HCN1: variants seen among roughly 807,000 people sequenced by gnomAD.
The protein encoded by HCN1 is potassium/sodium hyperpolarization-activated cyclic nucleotide-gated channel 1.
HCN1 carries 13 observed loss-of-function variants against 78.9 expected under a neutral mutation model. The ratio of observed to expected loss-of-function variants is 0.16; its 90% CI spans 0.11 to 0.26. The LOEUF is 0.26. Among genes scored for constraint, HCN1 ranks in the 10% least tolerant of loss-of-function variants. The pLI, the probability that HCN1 is intolerant of heterozygous loss-of-function variation, is 1.00. For synonymous variants in HCN1, 552 were observed against 455.5 expected (o/e 1.21, Z -2.70); for missense variants, 810 against 1,154.3 (o/e 0.70, Z 4.32).
At chr5:45,653,678 T>G (rs116136415) in intron 1 of HCN1, among the ~76,000 whole-genome samples, 1 of 151,998 alleles carries the variant, frequency 6.6e-6, no homozygotes, top group Non-Finnish European at 1.5e-5. Context: ...ATTACACAAT[T>G]CTAGTTAAAA....
chr5:45,301,737 AAAAG>A (rs1554016682), intron 6 of HCN1, among the ~76,000 whole-genome samples: 2 of 151,268 alleles, frequency 1.3e-5, no homozygotes, highest in African/African-American at 4.8e-5. Context: ...AAAAAAAAAA[AAAAG>A]AAAGAAAAGC....
At chr5:45,585,166 A>G (rs962625704) in intron 2 of HCN1, among the ~76,000 whole-genome samples, 1 of 152,222 alleles carries the variant, frequency 6.6e-6, no homozygotes, top group Non-Finnish European at 1.5e-5. Flanking sequence ...CAGGTACACC[A>G]ATCAGATGTA....
intron 2 of HCN1, among the ~76,000 whole-genome samples, chr5:45,546,681 G>GA (rs1743237001): frequency 6.6e-6 from 1 of 151,416 alleles, no homozygotes; most frequent in South Asian, 2.1e-4. Flanking sequence ...ATTCTTGGGG[G>GA]ATTTTGCTTT....
chr5:45,371,468 C>G (rs1747356430), intron 4 of HCN1, among the ~76,000 whole-genome samples: 2 of 151,732 alleles, frequency 1.3e-5, no homozygotes, highest in South Asian at 4.1e-4. Flanking sequence ...CACTGAAATA[C>G]AAAATCCTGG....
At chr5:45,638,085 T>C (rs1745390032) in intron 2 of HCN1, among the ~76,000 whole-genome samples, 5 of 152,024 alleles carry the variant, frequency 3.3e-5, no homozygotes, top group Admixed American at 1.3e-4. Flanking sequence ...CCAACCACAA[T>C]TGGGAAGTAG....
At chr5:45,675,269 G>A (rs1376384256) in intron 1 of HCN1, among the ~76,000 whole-genome samples, 1 of 151,706 alleles carries the variant, frequency 6.6e-6, no homozygotes, top group Non-Finnish European at 1.5e-5. Context: ...TCCTAGGCCA[G>A]CCAAGTCCTT....
At chr5:45,411,604 G>A (rs544594467) in intron 3 of HCN1, among the ~76,000 whole-genome samples, 45 of 151,872 alleles carry the variant, frequency 3.0e-4, no homozygotes, top group African/African-American at 1.0e-3. Context: ...GAAAATGAAG[G>A]TTATTTTACC....
At chr5:45,504,274 C>G (rs867896198) in intron 2 of HCN1, among the ~76,000 whole-genome samples, 3 of 152,058 alleles carry the variant, frequency 2.0e-5, no homozygotes, top group Non-Finnish European at 4.4e-5. Flanking sequence ...CAACAGGCCC[C>G]GGTGTGTGAT....
intron 2 of HCN1, among the ~76,000 whole-genome samples, chr5:45,531,326 T>C (rs1275899362): frequency 6.6e-6 from 1 of 152,192 alleles, no homozygotes; most frequent in African/African-American, 2.4e-5. Flanking sequence ...CTTAATTGCT[T>C]AATTAATTGC....
intron 2 of HCN1, among the ~76,000 whole-genome samples, chr5:45,631,625 T>C (rs1489762907): frequency 6.6e-6 from 1 of 152,114 alleles, no homozygotes; most frequent in East Asian, 1.9e-4. Context: ...CTGGAGCATG[T>C]GGATCAAGAT....
intron 3 of HCN1, among the ~76,000 whole-genome samples, chr5:45,430,530 G>A (rs1218430677): frequency 2.0e-5 from 3 of 151,856 alleles, no homozygotes; most frequent in South Asian, 2.1e-4. Context: ...ACTTATAAGC[G>A]AGAATATGTG....
intron 4 of HCN1, among the ~76,000 whole-genome samples, chr5:45,375,352 A>G: frequency 8.0e-6 from 1 of 125,158 alleles, no homozygotes; most frequent in East Asian, 2.2e-4. Flanking sequence ...TATATAATAT[A>G]ATATTTTATG....
At chr5:45,417,804 T>TCC (rs1444436088) in intron 3 of HCN1, among the ~76,000 whole-genome samples, 1 of 147,498 alleles carries the variant, frequency 6.8e-6, no homozygotes, top group African/African-American at 2.5e-5. Context: ...GTGTATGACT[T>TCC]CATGGTGGAA....
intron 2 of HCN1, among the ~76,000 whole-genome samples, chr5:45,571,810 A>T (rs2111903394): frequency 6.6e-6 from 1 of 152,266 alleles, no homozygotes; most frequent in Non-Finnish European, 1.5e-5. Context: ...CCTATTTGGG[A>T]GGCTGAGGCA....
chr5:45,516,478 T>C (rs907484961), intron 2 of HCN1, among the ~76,000 whole-genome samples: 1 of 152,024 alleles, frequency 6.6e-6, no homozygotes, highest in Admixed American at 6.6e-5. Flanking sequence ...AGTAGTTCTT[T>C]GGAATGCAAG....
chr5:45,314,030 C>A (rs1023377969), intron 5 of HCN1, among the ~76,000 whole-genome samples: 1 of 151,558 alleles, frequency 6.6e-6, no homozygotes, highest in Non-Finnish European at 1.5e-5. Flanking sequence ...CACAAAGATA[C>A]GAGAAGAGCA....
intron 1 of HCN1, among the ~76,000 whole-genome samples, chr5:45,669,886 AT>A (rs1261698006): frequency 1.3e-5 from 2 of 151,780 alleles, no homozygotes; most frequent in African/African-American, 4.8e-5. Context: ...CATAGAAAAC[AT>A]TTTAGAATAA....
Position 45,261,729 on chromosome 5 carries a change from C to A in HCN1, c.*192G>T, listed in dbSNP as rs964310787. 7.2e-6 allele frequency: 4 copies of A among 558,576 alleles called. No homozygotes were observed. Among genetic ancestry groups the A allele is most frequent in the Admixed American group, 2.9e-5 (1 of 33,948 alleles). The allele number at this position is 558,576 out of a possible 1,614,324, so 34.6% of individuals were successfully genotyped here. On this transcript the variant is annotated 3_prime_UTR_variant, in exon 8 of 8. Coordinates refer to ENST00000303230, the MANE Select transcript of HCN1 (RefSeq NM_021072.4). ...AATGCTAAACAGGTCTTTTGACCCT[C>A]TCTTGGGAATTTAGATATATATTTT... is the stretch of plus-strand genomic sequence containing the variant.
chr5:45,350,631 G>A (rs1298302244), intron 5 of HCN1, among the ~76,000 whole-genome samples: 8 of 151,112 alleles, frequency 5.3e-5, no homozygotes, highest in Non-Finnish European at 8.9e-5. Context: ...AAACCCCATT[G>A]TCTCAGCCCA....
Sources: allele counts gnomAD v4.1 joint callset (sites outside exome capture counted in the v4.1 genomes callset), GRCh38; gene constraint gnomAD v4.1.1; transcripts MANE v1.5; gene names NCBI Gene and HGNC (gene_info 2026-07-23, HGNC 2026-07-21).